The following CCSER1 variants were observed in gnomAD, a reference collection of about 807,000 sequenced individuals.
CCSER1 encodes serine-rich coiled-coil domain-containing protein 1.
In CCSER1, 41 loss-of-function variants were observed where a neutral mutation model predicts 82.0. The ratio of observed to expected loss-of-function variants is 0.50; its 90% CI spans 0.39 to 0.65. The LOEUF (loss-of-function observed/expected upper bound fraction) is 0.65, where lower values mean the gene tolerates loss of function less well. Among genes scored for constraint, CCSER1 ranks in the 30% least tolerant of loss-of-function variants. CCSER1 has a pLI of 0.00. For missense variants in CCSER1, 1,119 were observed against 1,064.2 expected, an observed-to-expected ratio of 1.05 and a Z score of -0.72; for synonymous variants, 414 against 383.9, an observed-to-expected ratio of 1.08 and a Z score of -0.92.
chr4:90,234,625 C>G (rs1031939039), intron 1 of CCSER1, among the ~76,000 whole-genome samples: 3 of 152,118 alleles, frequency 2.0e-5, no homozygotes, highest in Non-Finnish European at 4.4e-5. Context: ...GAGTTGCCCT[C>G]TACATTTTTC....
chr4:91,482,380 G>C, intron 10 of CCSER1, among the ~76,000 whole-genome samples: 1 of 55,084 alleles, frequency 1.8e-5, no homozygotes, highest in Non-Finnish European at 3.1e-5. Flanking sequence ...CCGCAGTCCA[G>C]CCTGGGTGAC....
chr4:91,156,123 T>G (rs1325904233), intron 10 of CCSER1, among the ~76,000 whole-genome samples: 1 of 151,800 alleles, frequency 6.6e-6, no homozygotes, highest in Non-Finnish European at 1.5e-5. Flanking sequence ...ATTGTTTATG[T>G]TGATAATATA....
intron 10 of CCSER1, among the ~76,000 whole-genome samples, chr4:91,277,226 T>C (rs1294439146): frequency 6.6e-6 from 1 of 152,026 alleles, no homozygotes; most frequent in Non-Finnish European, 1.5e-5. Flanking sequence ...AGAATTGGTA[T>C]AAGTTCTTAG....
intron 7 of CCSER1, among the ~76,000 whole-genome samples, chr4:90,760,449 T>C (rs926629567): frequency 6.6e-6 from 1 of 152,018 alleles, no homozygotes; most frequent in Admixed American, 6.6e-5. Context: ...AATATCATAA[T>C]TGTAAAAATA....
intron 1 of CCSER1, among the ~76,000 whole-genome samples, chr4:90,250,440 C>T (rs1274848399): frequency 3.3e-5 from 5 of 151,806 alleles, no homozygotes; most frequent in African/African-American, 1.2e-4. Context: ...TTGTTTTGTC[C>T]CTGGGTCTGG....
intron 6 of CCSER1, among the ~76,000 whole-genome samples, chr4:90,655,228 A>G (rs1204864904): frequency 1.3e-5 from 2 of 152,002 alleles, no homozygotes; most frequent in Admixed American, 6.6e-5. Flanking sequence ...TGAGTTATAT[A>G]TAATCATAAT....
intron 5 of CCSER1, among the ~76,000 whole-genome samples, chr4:90,562,257 C>G (rs550545349): frequency 6.7e-6 from 1 of 150,160 alleles, no homozygotes; most frequent in Non-Finnish European, 1.5e-5. Flanking sequence ...ATACTGTGTA[C>G]TCTCCAGTGT....
intron 5 of CCSER1, among the ~76,000 whole-genome samples, chr4:90,587,932 C>T (rs1219437387): frequency 6.6e-6 from 1 of 152,200 alleles, no homozygotes; most frequent in African/African-American, 2.4e-5. Flanking sequence ...AAATGTCATA[C>T]AAATTGTTTG....
chr4:91,363,357 TTGTGTGTGTGTGTGTGTG>T (rs201687094), intron 10 of CCSER1, among the ~76,000 whole-genome samples: 1 of 139,548 alleles, frequency 7.2e-6, no homozygotes, highest in East Asian at 2.0e-4. Flanking sequence ...TGGAGATATT[TTGTGTGTGTGTGTGTGTG>T]TGTGTGTGTG....
At chr4:90,394,409 A>T (rs1751665071) in intron 3 of CCSER1, among the ~76,000 whole-genome samples, 1 of 152,142 alleles carries the variant, frequency 6.6e-6, no homozygotes, top group African/African-American at 2.4e-5. Flanking sequence ...CATTTGGGAG[A>T]TTACATGAGT....
intron 10 of CCSER1, among the ~76,000 whole-genome samples, chr4:91,347,591 T>C (rs1748144736): frequency 6.6e-6 from 1 of 151,860 alleles, no homozygotes; most frequent in African/African-American, 2.4e-5. Context: ...TTAAGTATTC[T>C]TATACATGTA....
At chr4:90,826,906 T>C (rs993120411) in intron 8 of CCSER1, among the ~76,000 whole-genome samples, 2 of 152,162 alleles carry the variant, frequency 1.3e-5, no homozygotes, top group Admixed American at 1.3e-4. Context: ...GCAGAAACTC[T>C]TGTGATAGTG....
chr4:90,989,867 G>C (rs1736877099), intron 9 of CCSER1, among the ~76,000 whole-genome samples: 1 of 151,754 alleles, frequency 6.6e-6, no homozygotes, highest in Non-Finnish European at 1.5e-5. Flanking sequence ...GAAAGGAAGA[G>C]AGGAAGAGAG....
At chr4:91,451,352 AATTTTAAAAGCTC>A (rs1295267917) in intron 10 of CCSER1, among the ~76,000 whole-genome samples, 3 of 152,036 alleles carry the variant, frequency 2.0e-5, no homozygotes, top group Non-Finnish European at 2.9e-5. Flanking sequence ...GGGCCTAATG[AATTTTAAAAGCTC>A]ATTTTAAAAG....
intron 6 of CCSER1, among the ~76,000 whole-genome samples, chr4:90,696,749 T>G (rs1369574194): frequency 6.6e-6 from 1 of 152,052 alleles, no homozygotes; most frequent in Admixed American, 6.6e-5. Context: ...CCTTTAAGAG[T>G]GGGTTCTATT....
chr4:90,921,141 A>G (rs973004656), intron 8 of CCSER1, among the ~76,000 whole-genome samples: 2 of 151,784 alleles, frequency 1.3e-5, no homozygotes, highest in Non-Finnish European at 2.9e-5. Flanking sequence ...AAATTTATCA[A>G]TTTATAAATT....
intron 10 of CCSER1, among the ~76,000 whole-genome samples, chr4:91,351,959 C>CA (rs112834311): frequency 0.02 from 3,003 of 151,984 alleles, 90 homozygotes; most frequent in African/African-American, 0.067. Context: ...GACTTCTGAG[C>CA]GCTGAAATGC....
intron 10 of CCSER1, among the ~76,000 whole-genome samples, chr4:91,201,494 A>C (rs1735898461): frequency 1.3e-5 from 2 of 152,250 alleles, no homozygotes; most frequent in African/African-American, 4.8e-5. Context: ...TAAATGAATT[A>C]AATGAACATT....
At chr4:91,035,896 C>G (rs554597614) in intron 9 of CCSER1, among the ~76,000 whole-genome samples, 10 of 152,256 alleles carry the variant, frequency 6.6e-5, no homozygotes, top group East Asian at 3.9e-4. Context: ...AGAAATGCAA[C>G]CTTTGTATGT....
Sources: allele counts gnomAD v4.1 joint callset (sites outside exome capture counted in the v4.1 genomes callset), GRCh38; gene constraint gnomAD v4.1.1; transcripts MANE v1.5; gene names NCBI Gene and HGNC (gene_info 2026-07-23, HGNC 2026-07-21).